The following PTPN9 variants were observed in gnomAD, a reference collection of about 807,000 sequenced individuals.
The protein encoded by PTPN9 is protein tyrosine phosphatase non-receptor type 9.
PTPN9 carries 26 observed loss-of-function variants against 69.8 expected under a neutral mutation model. That is an observed-to-expected ratio of 0.37 (90% CI 0.27 to 0.52). The LOEUF is 0.52. PTPN9 is among the 20% of genes least tolerant of loss of function. The probability of loss-of-function intolerance (pLI) is 0.91; values close to 1 mark genes in which losing one functional copy is unlikely to be tolerated. For synonymous variants in PTPN9, 274 were observed against 272.5 expected, an observed-to-expected ratio of 1.01 and a Z score of -0.05; for missense variants, 549 against 740.3, an observed-to-expected ratio of 0.74 and a Z score of 3.00.
At chr15:75,571,154 G>C (rs2075146477) in intron 1 of PTPN9, among the ~76,000 whole-genome samples, 1 of 151,824 alleles carries the variant, frequency 6.6e-6, no homozygotes, top group South Asian at 2.1e-4. Context: ...CAGCTACTAG[G>C]GAGGCTGAGG....
Position 75,550,354 on chromosome 15 carries a change from C to T in PTPN9, c.64-23093G>A, listed in dbSNP as rs377114539. ...CTGATTTTTGTACTTTCAGTAGAGA[C>T]GGGGTTTCACCATGTTGGCCAGGCT... On this transcript the variant is annotated intron_variant, in intron 1 of 12. Transcript: ENST00000618819. Among the ~76,000 whole-genome samples, 19 of 151,570 alleles carry T rather than the reference C, an allele frequency of 1.3e-4. No homozygotes were observed. The East Asian group carries it at 3.8e-3, about 30-fold the overall frequency.
chr15:75,575,249 AGGCGTGAGCCACCGCGCCCGGCC>A lies in PTPN9; in HGVS notation c.63+3442_63+3464del, dbSNP rs2075166698. Among the ~76,000 whole-genome samples, 46 of 142,496 alleles carry A rather than the reference AGGCGTGAGCCACCGCGCCCGGCC, an allele frequency of 3.2e-4. 15 individuals carry two copies. Among genetic ancestry groups the A allele is most frequent in the African/African-American group, 4.8e-4 (18 of 37,274 alleles). 93.5% of individuals were successfully genotyped at this position (142,496 alleles called of 152,430 possible). Reference sequence around the variant, plus strand: ...CTGCCTCCCAAAGTGCTGGGATTACAGGCGTGAGCCACCGCGCCCGGCCGAAAAGAAATATCTTTAAGGCTGTT... The same window carrying A: ...CTGCCTCCCAAAGTGCTGGGATTACAGAAAAGAAATATCTTTAAGGCTGTT... On this transcript the variant is annotated intron_variant, in intron 1 of 12. Transcript: ENST00000618819.
intron 1 of PTPN9, among the ~76,000 whole-genome samples, chr15:75,554,615 C>A (rs776924107): frequency 2.6e-5 from 4 of 152,170 alleles, no homozygotes; most frequent in Non-Finnish European, 5.9e-5. Context: ...GTTTGAGCCA[C>A]CATGCCCGGC....
At chr15:75,516,187 A>C (rs1299118902) in intron 5 of PTPN9, among the ~76,000 whole-genome samples, 1 of 152,140 alleles carries the variant, frequency 6.6e-6, no homozygotes, top group Non-Finnish European at 1.5e-5. Flanking sequence ...AATGCTTGGG[A>C]CTAGAAGTGT....
intron 4 of PTPN9, among the ~76,000 whole-genome samples, chr15:75,522,363 G>T (rs8023815): frequency 5.9e-5 from 9 of 151,634 alleles, no homozygotes; most frequent in Admixed American, 3.3e-4. Flanking sequence ...ATGTTTTTTT[G>T]TTGTTGTTGT....
intron 7 of PTPN9, among the ~76,000 whole-genome samples, chr15:75,504,187 C>T (rs2074798226): frequency 5.9e-5 from 7 of 118,956 alleles, no homozygotes; most frequent in Admixed American, 5.6e-4. Flanking sequence ...GGGGGGTCAG[C>T]CCCATGTCCG....
At chr15:75,529,276 C>T (rs1271878374) in intron 1 of PTPN9, among the ~76,000 whole-genome samples, 1 of 151,960 alleles carries the variant, frequency 6.6e-6, no homozygotes, top group African/African-American at 2.4e-5. Flanking sequence ...TGAGCCACCG[C>T]ACCCAGCCAG....
intron 8 of PTPN9, among the ~76,000 whole-genome samples, chr15:75,483,983 T>A (rs2074659334): frequency 6.6e-6 from 1 of 152,198 alleles, no homozygotes; most frequent in Non-Finnish European, 1.5e-5. Flanking sequence ...ACCCAATAAA[T>A]ACAAAGGGCT....
At chr15:75,548,413 G>A (rs1402541247) in intron 1 of PTPN9, among the ~76,000 whole-genome samples, 1 of 151,116 alleles carries the variant, frequency 6.6e-6, no homozygotes, top group Non-Finnish European at 1.5e-5. Flanking sequence ...CCACCACCAT[G>A]CCCAGCTAAT....
intron 2 of PTPN9, among the ~76,000 whole-genome samples, chr15:75,525,139 C>T (rs533917373): frequency 1.3e-5 from 2 of 152,166 alleles, no homozygotes; most frequent in East Asian, 3.9e-4. Flanking sequence ...CTTCTCTCCA[C>T]CTGATATTGT....
chr15:75,559,768 C>CAA (rs5813803), intron 1 of PTPN9, among the ~76,000 whole-genome samples: 38,015 of 94,548 alleles, frequency 0.4, 6,637 homozygotes, highest in Middle Eastern at 0.53. Context: ...GAATGGTCAA[C>CAA]AAAAAAAAAA....
intron 1 of PTPN9, chr15:75,570,452 T>C (rs1321225417): frequency 1.3e-5 from 2 of 152,172 alleles, no homozygotes; most frequent in East Asian, 1.9e-4. Flanking sequence ...GTTAAATTTT[T>C]AGCTTTAAAA....
rs1282339091 is a variant in PTPN9, at chr15:75,530,643, TAATATATATTATTATATAA to T, written c.64-3401_64-3383del. 3.3e-5 allele frequency among the ~76,000 whole-genome samples: 2 copies of T among 60,448 alleles called. 1 individual carries two copies. Among genetic ancestry groups the T allele is most frequent in the African/African-American group, 1.8e-4 (2 of 11,084 alleles). The allele number at this position is 60,448 out of a possible 152,430, so 39.7% of individuals were successfully genotyped here. Reference sequence around the variant, plus strand: ...TATATTATTATATTATAATATACTATAATATATATTATTATATAATATACTATTATATATATTATTATAT... The same window carrying T: ...TATATTATTATATTATAATATACTATTATACTATTATATATATTATTATAT... On this transcript the variant is annotated intron_variant, in intron 1 of 12. Transcript: ENST00000618819.
At chr15:75,513,580 A>C in intron 5 of PTPN9, 1 of 355,822 alleles carries the variant, frequency 2.8e-6, no homozygotes, top group Non-Finnish European at 5.5e-6. Context: ...CAGCCTGGCC[A>C]ACATGGTGAA....
chr15:75,524,064 C>A (rs1433902356), intron 3 of PTPN9, 145 bp downstream of exon 3: 7 of 329,750 alleles, frequency 2.1e-5, no homozygotes, highest in African/African-American at 4.4e-5. Context: ...ATGTAACAAA[C>A]CTGCACGTTG....
chr15:75,527,144 C>A lies in PTPN9; in HGVS notation c.181G>T (p.Ala61Ser), dbSNP rs745765863. 19 of 1,614,032 alleles carry A rather than the reference C, an allele frequency of 1.2e-5. No homozygotes were observed. In the South Asian group the frequency reaches 1.8e-4, roughly 15 times the overall value. ...CTGTAGGAGTGGAACAATTCTATGG[C>A]ACGGAGCACATCAAACTTCCTTGCC... Reference protein sequence around the residue: ...LMARKFDVLRAIELFHSYRET... With the variant: ...LMARKFDVLRSIELFHSYRET... The change falls in exon 2 of 13, where the codon GCC (alanine) becomes TCC (serine). Residue 61 changes from alanine (A) to serine (S), a missense_variant. Transcript: ENST00000618819.
At chr15:75,503,117 C>T (rs1347426196) in intron 7 of PTPN9, among the ~76,000 whole-genome samples, 1 of 150,390 alleles carries the variant, frequency 6.6e-6, no homozygotes, top group Non-Finnish European at 1.5e-5. Flanking sequence ...ACGTGAGGAG[C>T]CCCTCTGCCT....
At chr15:75,515,449 A>T (rs2074864884) in intron 5 of PTPN9, among the ~76,000 whole-genome samples, 1 of 150,966 alleles carries the variant, frequency 6.6e-6, no homozygotes, top group Admixed American at 6.6e-5. Context: ...AAAAAAAAGA[A>T]ATCTTACACT....
intron 7 of PTPN9, among the ~76,000 whole-genome samples, chr15:75,497,246 T>C (rs2074747801): frequency 6.6e-6 from 1 of 152,078 alleles, no homozygotes. Context: ...TCCTAGTGCT[T>C]TGGGAGGCTG....
Sources: allele counts gnomAD v4.1 joint callset (sites outside exome capture counted in the v4.1 genomes callset), GRCh38; gene constraint gnomAD v4.1.1; transcripts MANE v1.5; gene names NCBI Gene and HGNC (gene_info 2026-07-23, HGNC 2026-07-21).